The following COQ8B variants were observed in gnomAD, a reference collection of about 807,000 sequenced individuals.
COQ8B encodes the protein coenzyme Q8B.
COQ8B carries 44 observed loss-of-function variants against 62.0 expected under a neutral mutation model. The ratio of observed to expected loss-of-function variants is 0.71; its 90% confidence interval spans 0.56 to 0.91. COQ8B has a LOEUF of 0.91. Ranked by LOEUF, COQ8B falls within the 40% of genes least tolerant of loss-of-function variation. COQ8B has a pLI of 0.00. For synonymous variants in COQ8B, 252 were observed against 289.9 expected, an observed-to-expected ratio of 0.87 and a Z score of 1.33; for missense variants, 649 against 731.6, an observed-to-expected ratio of 0.89 and a Z score of 1.30.
At chr19:40,714,247 G>C in intron 3 of COQ8B, 31 bp downstream of exon 3, 1 of 1,607,158 alleles carries the variant, frequency 6.2e-7, no homozygotes, top group Non-Finnish European at 8.5e-7. Flanking sequence ...GTATTCGTGG[G>C]GTGTTGCTGG....
intron 12 of COQ8B, among the ~76,000 whole-genome samples, chr19:40,697,128 T>C (rs1274889647): frequency 1.3e-5 from 2 of 151,912 alleles, no homozygotes; most frequent in African/African-American, 4.8e-5. Context: ...TTTTTTTTTT[T>C]TGAGACAGGG....
chr19:40,696,392 C>T (rs958665751), intron 12 of COQ8B, among the ~76,000 whole-genome samples: 7 of 152,094 alleles, frequency 4.6e-5, no homozygotes, highest in South Asian at 4.1e-4. Context: ...TCCGGCCACA[C>T]GTGGTGGCTC....
chr19:40,703,439 A>G, intron 9 of COQ8B, 102 bp downstream of exon 9: 1 of 1,242,774 alleles, frequency 8.0e-7, no homozygotes, highest in Non-Finnish European at 1.1e-6. Flanking sequence ...TCACAACGCC[A>G]GCACACCCTG....
chr19:40,697,875 G>GGGAGAGAGAGAGGC (rs66466332), intron 12 of COQ8B, among the ~76,000 whole-genome samples: 4 of 103,472 alleles, frequency 3.9e-5, no homozygotes, highest in Admixed American at 2.8e-4. Context: ...GAGAGAGAGA[G>GGGAGAGAGAGAGGC]AGTTTCTACT....
intron 13 of COQ8B, among the ~76,000 whole-genome samples, chr19:40,695,123 G>A (rs946299705): frequency 3.3e-5 from 5 of 152,132 alleles, no homozygotes; most frequent in Admixed American, 6.5e-5. Flanking sequence ...TTCGAGACCA[G>A]CCTGGGCAAC....
At position 40,702,614 on chromosome 19, in the gene COQ8B, A is replaced by G; in HGVS notation, c.879T>C (p.Cys293=). ...WECDYRREAA[C]AQNFRQLLAN... is the part of the protein sequence containing the mutation. ...ACTCAGCTCACCTGAAATTCTGGGC[A>G]CAAGCCGCCTCACGACGGTAGTCAC... The change falls in exon 10 of 15, where the codon TGT becomes TGC. Residue 293 remains cysteine, a synonymous_variant. Transcript: ENST00000324464. The G allele has an allele frequency of 6.2e-7, 1 of 1,613,062 alleles. No homozygotes were observed. Among genetic ancestry groups the G allele is most frequent in the Non-Finnish European group, 8.5e-7 (1 of 1,179,982 alleles).
chr19:40,700,264 C>T (rs754994798), intron 11 of COQ8B, 46 bp downstream of exon 11: 2 of 1,610,672 alleles, frequency 1.2e-6, no homozygotes, highest in South Asian at 2.2e-5. Context: ...CCTGGCCCAC[C>T]CGCCCTGGGG....
chr19:40,700,117 G>A lies in COQ8B; in HGVS notation c.1093C>T (p.Gln365Ter). The A allele has an allele frequency of 1.9e-6, 3 of 1,614,272 alleles. No homozygotes were observed. Among genetic ancestry groups the A allele is most frequent in the Non-Finnish European group, 1.7e-6 (2 of 1,180,042 alleles). Residue 365 changes from glutamine (Q) to a stop codon, truncating the protein, a stop_gained, in exon 12 of 15, where the codon CAG becomes TAG. Transcript: ENST00000324464. LOFTEE classifies it high-confidence loss of function. ...LRELFEFRFM[Q>*]TDPNWANFLY... is the part of the protein sequence containing the mutation. ...AAGTTGGCCCAGTTGGGGTCAGTCT[G>A]CATGAATCGGAACTCAAACAGCTCC...
chr19:40,694,941 G>C (rs927239659), intron 13 of COQ8B, among the ~76,000 whole-genome samples: 3 of 152,208 alleles, frequency 2.0e-5, no homozygotes, highest in African/African-American at 7.2e-5. Flanking sequence ...AGTTCTGTGA[G>C]GAGGGGCCTA....
At chr19:40,696,718 C>G (rs1355099332) in intron 12 of COQ8B, among the ~76,000 whole-genome samples, 4 of 151,754 alleles carry the variant, frequency 2.6e-5, no homozygotes, top group Non-Finnish European at 5.9e-5. Flanking sequence ...GTATCCCGCC[C>G]TGATCACACC....
At chr19:40,703,256 A>G in intron 9 of COQ8B, 1 of 409,722 alleles carries the variant, frequency 2.4e-6, no homozygotes, top group Non-Finnish European at 4.4e-6. Flanking sequence ...GCTCTGCCGC[A>G]CCTACAATCC....
chr19:40,704,358 C>T lies in COQ8B; in HGVS notation c.577-503G>A, dbSNP rs577531607. ...TAGAGACAAGGTCTCACTATGTTGC[C>T]CAGGGTGGTCTGGAAGTCCTGAGCT... On this transcript the variant is annotated intron_variant, in intron 7 of 14. Transcript: ENST00000324464. 29 of 154,316 alleles carry T rather than the reference C, an allele frequency of 1.9e-4. No homozygotes were observed. The South Asian group carries it at 5.6e-3, about 30-fold the overall frequency. The allele number at this position is 154,316 out of a possible 1,614,324, so 9.6% of individuals were successfully genotyped here. A position where few individuals can be genotyped will look rare whatever the true frequency, so the allele number is the denominator to read the frequency against.
At chr19:40,698,915 G>A (rs1204890239) in intron 12 of COQ8B, among the ~76,000 whole-genome samples, 2 of 152,026 alleles carry the variant, frequency 1.3e-5, no homozygotes, top group Non-Finnish European at 2.9e-5. Context: ...CTTCACTACA[G>A]GTCTTTGTAC....
chr19:40,716,513 C>A (rs992328062), intron 1 of COQ8B, 74 bp downstream of exon 1: 1 of 152,246 alleles, frequency 6.6e-6, no homozygotes, highest in Admixed American at 6.5e-5. Flanking sequence ...ATTGTTCAGC[C>A]TTGGAGAATG....
Position 40,692,037 on chromosome 19 carries a change from A to G in COQ8B, c.1633T>C (p.Ter545ArgextTer61). 6.3e-7 allele frequency: 1 copy of G among 1,598,456 alleles called. No homozygotes were observed. The change falls in exon 15 of 15, where the codon TGA becomes CGA. Residue 545 changes from the stop codon to arginine (R), a stop_lost. Transcript: ENST00000324464. ...GACTGAATCCCCCATGGAGGCTGTCATGAGGGATCCACCCAGGAGTCCCCT... is the reference window on the plus strand; with the variant it reads ...GACTGAATCCCCCATGGAGGCTGTCGTGAGGGATCCACCCAGGAGTCCCCT... ...TKGDSWVDPS* is the reference protein window; with the variant it reads ...TKGDSWVDPSR
intron 12 of COQ8B, 58 bp downstream of exon 12, chr19:40,700,009 T>A: frequency 8.6e-6 from 13 of 1,516,616 alleles, no homozygotes; most frequent in Non-Finnish European, 1.1e-5. Context: ...TACCGAAATA[T>A]CAAGGAATAT....
intron 7 of COQ8B, chr19:40,704,107 G>T: frequency 2.2e-6 from 1 of 454,188 alleles, no homozygotes; most frequent in South Asian, 3.6e-5. Flanking sequence ...CTGGGCTGTT[G>T]TGGGGATTGC....
chr19:40,714,118 G>C lies in COQ8B; in HGVS notation c.238C>G (p.Arg80Gly). 2 of 1,614,160 alleles carry C rather than the reference G, an allele frequency of 1.2e-6. No individual in the cohort carries two copies. Among genetic ancestry groups the C allele is most frequent in the Admixed American group, 1.7e-5 (1 of 60,022 alleles). ...CGGGAGGCAGGCACCTTGCGTTCTC[G>C]AGAGCGGTCACTCAGCTGGGAAATG... ...TPRPQLSDRS[R>G]ERKVPASRIS... The change falls in exon 4 of 15, where the codon CGA becomes GGA. Residue 80 changes from arginine to glycine, a missense_variant. Arg to Gly is a moderately radical substitution (Grantham distance 125, BLOSUM62 -2). Transcript: ENST00000324464.
At position 40,714,518 on chromosome 19, in the gene COQ8B, C is replaced by G. The variant is rs1285888458; in HGVS notation, c.102+13G>C. 6.2e-7 allele frequency: 1 copy of G among 1,613,790 alleles called. No homozygotes were observed. The highest frequency in any genetic ancestry group is 1.3e-5 in the African/African-American group (1 of 74,910). ...GCCTCTTCCCCTTGGGGACCTGCTC[C>G]CTAGCCTCTTACCCAGCGGTGGGGC... On this transcript the variant is annotated intron_variant, in intron 2 of 14. Coordinates refer to ENST00000324464, the MANE Select transcript of COQ8B (RefSeq NM_024876.4).
Sources: allele counts gnomAD v4.1 joint callset (sites outside exome capture counted in the v4.1 genomes callset), GRCh38; gene constraint gnomAD v4.1.1; transcripts MANE v1.5; gene names NCBI Gene and HGNC (gene_info 2026-07-23, HGNC 2026-07-21).